The following SORCS1 variants were observed in gnomAD, a reference collection of about 807,000 sequenced individuals.
SORCS1 encodes sortilin related VPS10 domain containing receptor 1.
SORCS1 carries 60 observed loss-of-function variants against 146.1 expected under a neutral mutation model. The observed-to-expected ratio is 0.41, with a 90% CI of 0.33 to 0.51. The LOEUF is 0.51. SORCS1 is among the 20% of genes least tolerant of loss of function. The probability of loss-of-function intolerance (pLI) is 0.21; values close to 1 mark genes in which losing one functional copy is unlikely to be tolerated. For missense variants in SORCS1, 1,352 were observed against 1,487.6 expected, an observed-to-expected ratio of 0.91 and a Z score of 1.50; for synonymous variants, 637 against 584.0, an observed-to-expected ratio of 1.09 and a Z score of -1.31.
chr10:106,836,957 G>C (rs1225786174), intron 2 of SORCS1, among the ~76,000 whole-genome samples: 1 of 152,148 alleles, frequency 6.6e-6, no homozygotes, highest in Non-Finnish European at 1.5e-5. Flanking sequence ...ACTGGAATTA[G>C]TCACTCACTG....
chr10:106,790,965 A>T (rs1319122294), intron 3 of SORCS1, among the ~76,000 whole-genome samples: 1 of 152,262 alleles, frequency 6.6e-6, no homozygotes, highest in Non-Finnish European at 1.5e-5. Flanking sequence ...TCAGAATAAA[A>T]GAACAATCAC....
chr10:107,166,259 C>T (rs1375245603), upstream of SORCS1, among the ~76,000 whole-genome samples: 2 of 152,124 alleles, frequency 1.3e-5, no homozygotes, highest in Non-Finnish European at 2.9e-5. Flanking sequence ...TGCGATGAGG[C>T]CAAGTTCAAA....
At chr10:106,588,540 GCAT>G (rs1237241455) in intron 24 of SORCS1, among the ~76,000 whole-genome samples, 1 of 152,072 alleles carries the variant, frequency 6.6e-6, no homozygotes, top group Non-Finnish European at 1.5e-5. Flanking sequence ...ACCGTCGTAA[GCAT>G]CATTAGCAGA....
intron 1 of SORCS1, among the ~76,000 whole-genome samples, chr10:106,971,383 G>C (rs1472210366): frequency 6.6e-6 from 1 of 152,122 alleles, no homozygotes; most frequent in Non-Finnish European, 1.5e-5. Context: ...TGGTTATATT[G>C]ATGATGGACT....
chr10:106,751,059 A>G (rs1253320341), intron 5 of SORCS1, among the ~76,000 whole-genome samples: 2 of 56,762 alleles, frequency 3.5e-5, no homozygotes, highest in Non-Finnish European at 5.9e-5. Flanking sequence ...ACTCCGTCTC[A>G]AAAAAAAAAA....
chr10:107,155,690 C>T (rs1322141078), intron 1 of SORCS1, among the ~76,000 whole-genome samples: 2 of 152,122 alleles, frequency 1.3e-5, no homozygotes, highest in Non-Finnish European at 2.9e-5. Flanking sequence ...ACCGACCCAT[C>T]CACCACCCGG....
chr10:107,043,399 T>C (rs1959187399), intron 1 of SORCS1, among the ~76,000 whole-genome samples: 1 of 152,200 alleles, frequency 6.6e-6, no homozygotes, highest in African/African-American at 2.4e-5. Flanking sequence ...TCTGAATGAT[T>C]AATGTTCTCC....
chr10:106,861,874 C>T (rs899055263), intron 2 of SORCS1, among the ~76,000 whole-genome samples: 5 of 152,070 alleles, frequency 3.3e-5, no homozygotes, highest in Non-Finnish European at 5.9e-5. Flanking sequence ...GGTGACAGGG[C>T]GAGACTCCAT....
intron 8 of SORCS1, among the ~76,000 whole-genome samples, chr10:106,705,739 T>G (rs1854469367): frequency 6.6e-6 from 1 of 152,098 alleles, no homozygotes; most frequent in African/African-American, 2.4e-5. Context: ...AGCTCTGAGC[T>G]CCCGAGTCAG....
chr10:106,899,569 T>TAAATCC (rs1951618772), intron 2 of SORCS1, among the ~76,000 whole-genome samples: 1 of 150,904 alleles, frequency 6.6e-6, no homozygotes, highest in Non-Finnish European at 1.5e-5. Context: ...TACTATTACT[T>TAAATCC]AAATCCATCC....
intron 1 of SORCS1, among the ~76,000 whole-genome samples, chr10:107,142,713 C>A (rs1434847964): frequency 1.3e-5 from 2 of 152,164 alleles, no homozygotes; most frequent in Non-Finnish European, 2.9e-5. Flanking sequence ...TCTCCCAGCT[C>A]TTCTTCAATG....
rs911982302 is a variant in SORCS1, at chr10:106,960,496, A to T, written c.559-3916T>A. Among the ~76,000 whole-genome samples the T allele has an allele frequency of 6.6e-6, 1 of 151,002 alleles. No individual in the cohort carries two copies. The highest frequency in any genetic ancestry group is 2.4e-5 in the African/African-American group (1 of 40,942). On this transcript the variant is annotated intron_variant, in intron 1 of 25. Coordinates refer to ENST00000263054, the MANE Select transcript of SORCS1 (RefSeq NM_052918.5). The surrounding 1 kb of genome is among the most constrained non-coding windows in gnomAD (Gnocchi z 4.4). ...CTCGGCTCACTGCAACCTCCGCCTC[A>T]CAGGTTCAAGCAATTCTCCTGCCTC...
chr10:106,844,960 T>C (rs976852312), intron 2 of SORCS1, among the ~76,000 whole-genome samples: 1 of 147,544 alleles, frequency 6.8e-6, no homozygotes, highest in South Asian at 2.3e-4. Context: ...ATTTGCCACA[T>C]TTTCTTAATC....
intron 4 of SORCS1, among the ~76,000 whole-genome samples, chr10:106,774,661 T>C (rs1247600103): frequency 6.6e-6 from 1 of 152,212 alleles, no homozygotes; most frequent in Non-Finnish European, 1.5e-5. Context: ...GACAGATCAC[T>C]AGATCTCTAT....
At chr10:106,722,780 G>T (rs1855874133) in intron 6 of SORCS1, among the ~76,000 whole-genome samples, 1 of 152,150 alleles carries the variant, frequency 6.6e-6, no homozygotes, top group African/African-American at 2.4e-5. Flanking sequence ...TGGTACTGCA[G>T]GTTCTCTTAC....
chr10:106,667,430 A>G (rs1851246275), intron 17 of SORCS1: 3 of 392,860 alleles, frequency 7.6e-6, no homozygotes, highest in Non-Finnish European at 1.4e-5. Flanking sequence ...GAGAAAATGA[A>G]GACACTTTTA....
intron 1 of SORCS1, among the ~76,000 whole-genome samples, chr10:107,020,809 G>A (rs1404349398): frequency 6.6e-6 from 1 of 152,158 alleles, no homozygotes; most frequent in African/African-American, 2.4e-5. Context: ...ACAACACAGA[G>A]CAGCAATCCC....
intron 24 of SORCS1, among the ~76,000 whole-genome samples, chr10:106,584,210 G>A (rs1481850019): frequency 6.6e-6 from 1 of 152,182 alleles, no homozygotes; most frequent in African/African-American, 2.4e-5. Context: ...TGCAGAATAG[G>A]CAGAAAGGCT....
chr10:106,593,168 G>A (rs1373545371), intron 24 of SORCS1, among the ~76,000 whole-genome samples: 16 of 151,076 alleles, frequency 1.1e-4, no homozygotes. Context: ...TGGCAAGTGT[G>A]TCTCGGCCCA....
Sources: allele counts gnomAD v4.1 joint callset (sites outside exome capture counted in the v4.1 genomes callset), GRCh38; gene constraint gnomAD v4.1.1; non-coding constraint Gnocchi (gnomAD v3.1); transcripts MANE v1.5; gene names NCBI Gene and HGNC (gene_info 2026-07-23, HGNC 2026-07-21).